Variants in TMEFF2 observed in about 807,000 individuals in gnomAD.
The protein encoded by TMEFF2 is tomoregulin-2.
A neutral mutation model predicts 53.8 loss-of-function variants in TMEFF2; 28 were observed. That is an observed-to-expected ratio of 0.52 (90% CI 0.39 to 0.71). The LOEUF is 0.71. Ranked by LOEUF, TMEFF2 falls within the 30% of genes least tolerant of loss-of-function variation. TMEFF2 has a pLI of 0.00. For synonymous variants in TMEFF2, 162 were observed against 166.3 expected, an observed-to-expected ratio of 0.97 and a Z score of 0.20; for missense variants, 353 against 455.2, an observed-to-expected ratio of 0.78 and a Z score of 2.04.
chr2:192,144,190 G>A (rs750723226), intron 4 of TMEFF2, among the ~76,000 whole-genome samples: 2 of 151,956 alleles, frequency 1.3e-5, no homozygotes, highest in African/African-American at 4.8e-5. Flanking sequence ...TTCCCACATC[G>A]TCGCCATCAC....
At chr2:192,146,825 T>C (rs1559146159) in intron 4 of TMEFF2, among the ~76,000 whole-genome samples, 1 of 152,110 alleles carries the variant, frequency 6.6e-6, no homozygotes, top group Non-Finnish European at 1.5e-5. Flanking sequence ...TCTTGAACAA[T>C]TTTCCCCATT....
chr2:191,997,998 T>C (rs947915646), intron 7 of TMEFF2, among the ~76,000 whole-genome samples: 2 of 151,976 alleles, frequency 1.3e-5, no homozygotes, highest in Non-Finnish European at 2.9e-5. Flanking sequence ...GTTTTGTTAT[T>C]TGTACTATTT....
At chr2:192,153,608 T>G (rs145380010) in intron 4 of TMEFF2, among the ~76,000 whole-genome samples, 1 of 151,982 alleles carries the variant, frequency 6.6e-6, no homozygotes. Flanking sequence ...AAATCAACAC[T>G]CAGACACAAC....
chr2:191,950,233 G>C lies in TMEFF2; in HGVS notation c.*78C>G. 7.1e-7 allele frequency: 1 copy of C among 1,408,650 alleles called. No homozygotes were observed. The highest frequency in any genetic ancestry group is 2.1e-5 in the African/African-American group (1 of 47,692). 87.3% of individuals were successfully genotyped at this position (1,408,650 alleles called of 1,614,324 possible). The stretch of plus-strand genomic sequence containing the variant: ...GCAAGGCAACATGTGTAGATCTCTT[G>C]TCTTATTCTTTTGTCTATAATACTG... On this transcript the variant is annotated 3_prime_UTR_variant, in exon 10 of 10. Transcript: ENST00000272771.
intron 4 of TMEFF2, among the ~76,000 whole-genome samples, chr2:192,111,538 T>TA (rs1689276078): frequency 1.3e-5 from 2 of 152,136 alleles, no homozygotes; most frequent in Admixed American, 1.3e-4. Context: ...CATTCAGTTT[T>TA]AAAAGGGAAA....
intron 3 of TMEFF2, among the ~76,000 whole-genome samples, chr2:192,181,073 C>T (rs1292929999): frequency 1.3e-5 from 2 of 151,662 alleles, no homozygotes; most frequent in African/African-American, 2.4e-5. Context: ...GGATTTTAAT[C>T]ATAAGAATTG....
At position 192,034,088 on chromosome 2, in the gene TMEFF2, T is replaced by A. The variant is rs1445328687; in HGVS notation, c.536+23591A>T. On this transcript the variant is annotated intron_variant, in intron 5 of 9. Transcript: ENST00000272771. ...TACTCAGGAGGCTGAGGAAGGAGAA[T>A]GGCGTGAACCCGGGAGGCGGAGCTT... Among the ~76,000 whole-genome samples, 3 of 145,214 alleles carry A rather than the reference T, an allele frequency of 2.1e-5. No homozygotes were observed. In the Admixed American group the frequency reaches 2.2e-4, roughly 10 times the overall value.
At chr2:192,112,806 A>G (rs1689315713) in intron 4 of TMEFF2, among the ~76,000 whole-genome samples, 1 of 152,062 alleles carries the variant, frequency 6.6e-6, no homozygotes, top group Admixed American at 6.6e-5. Context: ...TGCTGTTCTC[A>G]TGGTAGTGAA....
chr2:192,120,936 A>G (rs1471029623), intron 4 of TMEFF2, among the ~76,000 whole-genome samples: 1 of 151,772 alleles, frequency 6.6e-6, no homozygotes, highest in Non-Finnish European at 1.5e-5. Context: ...GGGTTTCACT[A>G]TGTTGGCCAG....
chr2:192,194,591 A>G lies in TMEFF2; in HGVS notation c.-67T>C. ...GAACACAGGATCGCGGGGGCCGGGC[A>G]GCGGGCTACTGAGCATCCCGCGGAC... On this transcript the variant is annotated 5_prime_UTR_variant, in exon 1 of 10. Transcript: ENST00000272771. The surrounding 1 kb of genome is among the most constrained non-coding windows in gnomAD (Gnocchi z 4.2). 1 of 1,562,758 alleles carries G rather than the reference A, an allele frequency of 6.4e-7. No homozygotes were observed. The highest frequency in any genetic ancestry group is 8.7e-7 in the Non-Finnish European group (1 of 1,146,316).
intron 4 of TMEFF2, among the ~76,000 whole-genome samples, chr2:192,150,258 T>C (rs1690352982): frequency 6.6e-6 from 1 of 151,928 alleles, no homozygotes; most frequent in East Asian, 1.9e-4. Context: ...CAAGAATTGT[T>C]ATTAAAATAA....
chr2:192,087,683 T>G (rs1688697578), intron 4 of TMEFF2, among the ~76,000 whole-genome samples: 1 of 152,090 alleles, frequency 6.6e-6, no homozygotes, highest in Non-Finnish European at 1.5e-5. Flanking sequence ...AGACTCAAGA[T>G]TATATTATAA....
At chr2:192,057,219 A>T (rs200994665) in intron 5 of TMEFF2, among the ~76,000 whole-genome samples, 924 of 48,452 alleles carry the variant, frequency 0.019, 6 homozygotes, top group Non-Finnish European at 0.04. Context: ...AATTATTATT[A>T]TTTTTTTTTA....
intron 4 of TMEFF2, among the ~76,000 whole-genome samples, chr2:192,142,230 C>A (rs1304695789): frequency 6.6e-6 from 1 of 151,850 alleles, no homozygotes; most frequent in African/African-American, 2.4e-5. Flanking sequence ...AGATTTAAAT[C>A]TTGGATTCTC....
rs554145556 is a variant in TMEFF2, at chr2:191,949,448, G to A, written c.*863C>T. ...GAACTATATACTATACATATTGTAT[G>A]GTGCTTTTGAGAATTCACGATTTTG... On this transcript the variant is annotated 3_prime_UTR_variant, in exon 10 of 10. Transcript: ENST00000272771. 2 of 985,274 alleles carry A rather than the reference G, an allele frequency of 2.0e-6. No individual in the cohort carries two copies. The highest frequency in any genetic ancestry group is 2.4e-6 in the Non-Finnish European group (2 of 829,856). The allele number at this position is 985,274 out of a possible 1,614,324, so 61.0% of individuals were successfully genotyped here. A position where few individuals can be genotyped will look rare whatever the true frequency, so the allele number is the denominator to read the frequency against.
At chr2:192,090,250 A>T (rs1202067659) in intron 4 of TMEFF2, among the ~76,000 whole-genome samples, 3 of 152,130 alleles carry the variant, frequency 2.0e-5, no homozygotes, top group Non-Finnish European at 4.4e-5. Context: ...AACAATAAAC[A>T]TGTATTGGCT....
chr2:192,159,208 T>C (rs1574423419), intron 4 of TMEFF2, among the ~76,000 whole-genome samples: 2 of 152,276 alleles, frequency 1.3e-5, no homozygotes, highest in East Asian at 3.9e-4. Context: ...CTACCGTTAT[T>C]TGTAGTTAAG....
At chr2:191,965,551 CT>C (rs542015614) in intron 7 of TMEFF2, among the ~76,000 whole-genome samples, 57 of 152,272 alleles carry the variant, frequency 3.7e-4, no homozygotes, top group African/African-American at 1.4e-3. Context: ...AGAAATAATT[CT>C]CAAGTTATTC....
intron 4 of TMEFF2, among the ~76,000 whole-genome samples, chr2:192,077,354 A>G (rs1688455657): frequency 6.6e-6 from 1 of 152,182 alleles, no homozygotes; most frequent in Non-Finnish European, 1.5e-5. Flanking sequence ...GCCTTTGATT[A>G]CTATAATAAT....
Sources: allele counts gnomAD v4.1 joint callset (sites outside exome capture counted in the v4.1 genomes callset), GRCh38; gene constraint gnomAD v4.1.1; non-coding constraint Gnocchi (gnomAD v3.1); transcripts MANE v1.5; gene names NCBI Gene and HGNC (gene_info 2026-07-23, HGNC 2026-07-21).